Variants in IL27RA observed in about 807,000 individuals in gnomAD.
The protein encoded by IL27RA is interleukin 27 receptor subunit alpha.
IL27RA carries 61 observed loss-of-function variants against 80.8 expected under a neutral mutation model. The ratio of observed to expected loss-of-function variants is 0.76; its 90% CI spans 0.61 to 0.93. IL27RA has a LOEUF of 0.93. Ranked by LOEUF, IL27RA falls within the 40% of genes least tolerant of loss-of-function variation. IL27RA has a pLI of 0.00. For synonymous variants in IL27RA, 316 were observed against 332.5 expected, an observed-to-expected ratio of 0.95 and a Z score of 0.54; for missense variants, 735 against 808.1, an observed-to-expected ratio of 0.91 and a Z score of 1.10.
Position 14,049,282 on chromosome 19 carries a change from A to T in IL27RA, c.1370A>T (p.Gln457Leu), listed in dbSNP as rs1976121763. 6.2e-7 allele frequency: 1 copy of T among 1,614,046 alleles called. No homozygotes were observed. Among genetic ancestry groups the T allele is most frequent in the East Asian group, 2.2e-5 (1 of 44,874 alleles). The change falls in exon 10 of 14, where the codon CAG becomes CTG. Residue 457 changes from glutamine to leucine, a missense_variant. By Grantham distance (113) the Gln-to-Leu change is moderately radical. Coordinates refer to ENST00000263379, the MANE Select transcript of IL27RA (RefSeq NM_004843.4). ...CTCACCCACTACACCTTGTGTGCAC[A>T]GAGTGGAACCAGCCCCTCCGTCTGC... ...GHLTHYTLCA[Q>L]SGTSPSVCMN...
Position 14,051,993 on chromosome 19 carries a change from A to G in IL27RA, c.1716+20A>G, listed in dbSNP as rs377325613. ...ATGGAGGTGAGTCAAAGGGCCGGCT[A>G]GTCGGAGCCCTCTGGGGGACTGGGG... On this transcript the variant is annotated intron_variant, in intron 13 of 13. Coordinates refer to ENST00000263379, the MANE Select transcript of IL27RA (RefSeq NM_004843.4). The G allele has an allele frequency of 1.9e-6, 3 of 1,549,776 alleles. No homozygotes were observed. Among genetic ancestry groups the G allele is most frequent in the South Asian group, 1.2e-5 (1 of 86,210 alleles).
intron 8 of IL27RA, 49 bp downstream of exon 8, chr19:14,046,667 G>A (rs766514546): frequency 3.3e-5 from 49 of 1,492,698 alleles, no homozygotes; most frequent in Non-Finnish European, 4.1e-5. Flanking sequence ...TAGAGCAGAC[G>A]GATGGGTGGA....
chr19:14,034,957 A>C (rs1446240738), intron 2 of IL27RA, among the ~76,000 whole-genome samples: 3 of 148,748 alleles, frequency 2.0e-5, no homozygotes, highest in African/African-American at 7.7e-5. Flanking sequence ...CGTCTCAAAA[A>C]AAAAAAAAAT....
intron 10 of IL27RA, 87 bp from the exon 11 acceptor site, chr19:14,050,671 G>C: frequency 7.2e-7 from 1 of 1,395,162 alleles, no homozygotes; most frequent in Non-Finnish European, 9.8e-7. Context: ...ACCTGGGAGA[G>C]AGTGTTGCAG....
chr19:14,032,693 A>T (rs1162810775), intron 2 of IL27RA, among the ~76,000 whole-genome samples, 190 bp downstream of exon 2: 9 of 148,514 alleles, frequency 6.1e-5, no homozygotes, highest in Admixed American at 2.7e-4. Context: ...GTAGTCCCTG[A>T]TACTCAGGAG....
intron 6 of IL27RA, among the ~76,000 whole-genome samples, chr19:14,044,296 A>G (rs74183049): frequency 1.3e-5 from 2 of 151,804 alleles, no homozygotes; most frequent in Middle Eastern, 3.4e-3. Context: ...CTGGAGTGCA[A>G]TGGGGCGATC....
chr19:14,046,721 G>C (rs754601196), intron 8 of IL27RA, 103 bp downstream of exon 8: 7 of 1,147,244 alleles, frequency 6.1e-6, no homozygotes, highest in Non-Finnish European at 8.5e-6. Flanking sequence ...TGATGGCCGG[G>C]CTTGGTGGCT....
intron 6 of IL27RA, among the ~76,000 whole-genome samples, chr19:14,045,721 C>T (rs1976054609): frequency 6.6e-6 from 1 of 151,772 alleles, no homozygotes; most frequent in Non-Finnish European, 1.5e-5. Flanking sequence ...GTATCCCCCA[C>T]TCCCTTTTAA....
chr19:14,048,104 T>C (rs1039116061), intron 8 of IL27RA, among the ~76,000 whole-genome samples: 3 of 151,652 alleles, frequency 2.0e-5, no homozygotes, highest in Non-Finnish European at 2.9e-5. Context: ...ATTACAGGCA[T>C]GCGCCACCAA....
intron 6 of IL27RA, among the ~76,000 whole-genome samples, chr19:14,045,154 G>A (rs1252395793): frequency 6.6e-6 from 1 of 151,112 alleles, no homozygotes; most frequent in African/African-American, 2.4e-5. Flanking sequence ...GGGTGTGGTG[G>A]CATGCGTCTA....
chr19:14,052,168 A>G lies in IL27RA; in HGVS notation c.1789A>G (p.Met597Val), dbSNP rs1247561055. 12 of 1,613,286 alleles carry G rather than the reference A, an allele frequency of 7.4e-6. No individual in the cohort carries two copies. Among genetic ancestry groups the G allele is most frequent in the Non-Finnish European group, 1.0e-5 (12 of 1,179,726 alleles). The change falls in exon 14 of 14, where the codon ATG becomes GTG. Residue 597 changes from methionine to valine, a missense_variant. Physicochemically the swap from Met to Val is conservative, Grantham distance 21 (BLOSUM62 1). Transcript: ENST00000263379. ...EVEEMEPPPV[M>V]ESSQPAQATA... The stretch of plus-strand genomic sequence containing the variant: ...GGAGGAGATGGAGCCCCCGCCGGTT[A>G]TGGAGTCCTCCCAGCCCGCCCAGGC...
At chr19:14,032,805 C>CAAA (rs60328140) in intron 2 of IL27RA, among the ~76,000 whole-genome samples, 6 of 60,758 alleles carry the variant, frequency 9.9e-5, no homozygotes, top group African/African-American at 1.9e-4. Context: ...GACTCTGTCT[C>CAAA]AAAAAAAAAA....
chr19:14,039,970 C>T, intron 4 of IL27RA, 60 bp downstream of exon 4: 1 of 1,541,866 alleles, frequency 6.5e-7, no homozygotes, highest in South Asian at 1.2e-5. Flanking sequence ...GGCAACATCT[C>T]CTAATCTGAG....
At chr19:14,035,368 C>T (rs149213539) in intron 2 of IL27RA, among the ~76,000 whole-genome samples, 74 of 151,752 alleles carry the variant, frequency 4.9e-4, no homozygotes, top group Non-Finnish European at 8.7e-4. Context: ...GGTGCTATCC[C>T]GGTTACCATT....
chr19:14,050,736 C>T (rs1404466946), intron 10 of IL27RA, 22 bp from the exon 11 acceptor site: 1 of 1,598,044 alleles, frequency 6.3e-7, no homozygotes, highest in Admixed American at 1.7e-5. Flanking sequence ...ACCTCCCCAA[C>T]TTCTTTGGTT....
At chr19:14,045,250 G>A (rs1976047692) in intron 6 of IL27RA, among the ~76,000 whole-genome samples, 1 of 148,708 alleles carries the variant, frequency 6.7e-6, no homozygotes, top group Non-Finnish European at 1.5e-5. Flanking sequence ...TTGCACCACC[G>A]CACTTCAGCC....
chr19:14,050,926 T>TCC, intron 11 of IL27RA, 43 bp downstream of exon 11: 1 of 1,573,532 alleles, frequency 6.4e-7, no homozygotes, highest in Admixed American at 1.7e-5. Context: ...GGGGATGTAC[T>TCC]CCACAGTGGG....
Position 14,049,222 on chromosome 19 carries a change from G to C in IL27RA, c.1310G>C (p.Trp437Ser). ...CCTCCAGGGACCCCCGCCATAGCGT[G>C]GGGAGAGGTCCCAAGGCACCAGCTT... ...DAPPGTPAIA[W>S]GEVPRHQLRG... is the part of the protein sequence containing the mutation. The change falls in exon 10 of 14, where the codon TGG becomes TCG. Residue 437 changes from tryptophan to serine, a missense_variant. Transcript: ENST00000263379. 6.2e-7 allele frequency: 1 copy of C among 1,614,064 alleles called. No homozygotes were observed. The highest frequency in any genetic ancestry group is 8.5e-7 in the Non-Finnish European group (1 of 1,180,000).
At position 14,051,968 on chromosome 19, in the gene IL27RA, A is replaced by G. The variant is rs954034181; in HGVS notation, c.1711A>G (p.Met571Val). The change falls in exon 13 of 14, where the codon ATG becomes GTG. Residue 571 changes from methionine (M) to valine (V), a missense_variant. Coordinates refer to ENST00000263379, the MANE Select transcript of IL27RA (RefSeq NM_004843.4). ...CAACAGCAGTTCAGGCCAGCCCCAC[A>G]TGGAGGTGAGTCAAAGGGCCGGCTA... ...PANSSSGQPH[M>V]EQVPEAQPLG... The G allele has an allele frequency of 1.7e-5, 27 of 1,557,896 alleles. No individual in the cohort carries two copies. The highest frequency in any genetic ancestry group is 2.4e-5 in the Non-Finnish European group (27 of 1,148,654).
Sources: allele counts gnomAD v4.1 joint callset (sites outside exome capture counted in the v4.1 genomes callset), GRCh38; gene constraint gnomAD v4.1.1; transcripts MANE v1.5; gene names NCBI Gene and HGNC (gene_info 2026-07-23, HGNC 2026-07-21).